The following SCNN1G variants were observed in gnomAD, a reference collection of about 807,000 sequenced individuals.
SCNN1G encodes epithelial sodium channel subunit gamma.
SCNN1G carries 27 observed loss-of-function variants against 64.6 expected under a neutral mutation model. The observed-to-expected ratio is 0.42, with a 90% CI of 0.31 to 0.58. SCNN1G has a LOEUF of 0.58. Among genes scored for constraint, SCNN1G ranks in the 20% least tolerant of loss-of-function variants. SCNN1G has a pLI of 0.18. For missense variants in SCNN1G, 743 were observed against 823.4 expected (o/e 0.90, Z 1.19); for synonymous variants, 330 against 314.2 (o/e 1.05, Z -0.53).
chr16:23,204,348 G>T (rs1184261956), intron 6 of SCNN1G, among the ~76,000 whole-genome samples: 12 of 119,922 alleles, frequency 1.0e-4, no homozygotes, highest in Non-Finnish European at 1.3e-4. Flanking sequence ...GAGAGAGAGA[G>T]AGAGAGAGAG....
chr16:23,209,709 G>A (rs747161475), intron 6 of SCNN1G, 41 bp from the exon 7 acceptor site: 64 of 1,479,060 alleles, frequency 4.3e-5, no homozygotes, highest in South Asian at 1.8e-4. Context: ...GCCTGGGTCC[G>A]GGGGGAGGAC....
chr16:23,185,973 C>G (rs72646485), intron 1 of SCNN1G, among the ~76,000 whole-genome samples: 1 of 152,144 alleles, frequency 6.6e-6, no homozygotes, highest in Non-Finnish European at 1.5e-5. Context: ...TGCACCTCAC[C>G]CAGCCCCCGC....
At chr16:23,214,998 G>T in intron 12 of SCNN1G, 91 bp from the exon 13 acceptor site, 1 of 1,490,614 alleles carries the variant, frequency 6.7e-7, no homozygotes, top group South Asian at 1.1e-5. Flanking sequence ...GGTCGGGGCT[G>T]ACCCGTGGCT....
chr16:23,192,898 G>A (rs971162219), intron 4 of SCNN1G, among the ~76,000 whole-genome samples: 3 of 151,020 alleles, frequency 2.0e-5, no homozygotes, highest in South Asian at 2.1e-4. Context: ...GCGAGACCCC[G>A]TCTCTACTAA....
chr16:23,204,548 T>A (rs971070547), intron 6 of SCNN1G, among the ~76,000 whole-genome samples: 4 of 147,870 alleles, frequency 2.7e-5, no homozygotes, highest in African/African-American at 9.8e-5. Flanking sequence ...ACACTACTAG[T>A]ACATTATATA....
At position 23,186,461 on chromosome 16, in the gene SCNN1G, G is replaced by T; in HGVS notation, c.190G>T (p.Val64Leu). 6.2e-7 allele frequency: 1 copy of T among 1,614,146 alleles called. No individual in the cohort carries two copies. The highest frequency in any genetic ancestry group is 1.3e-5 in the African/African-American group (1 of 75,064). ...CTGGATCGGGTTCACACTGACTGCC[G>T]TGGCCCTCATCCTCTGGCAGTGCGC... Reference protein sequence around the residue: ...LLWIGFTLTAVALILWQCALL... With the variant: ...LLWIGFTLTALALILWQCALL... The change falls in exon 2 of 13, where the codon GTG becomes TTG. Residue 64 changes from valine to leucine, a missense_variant. Coordinates refer to ENST00000300061, the MANE Select transcript of SCNN1G (RefSeq NM_001039.4).
intron 1 of SCNN1G, among the ~76,000 whole-genome samples, chr16:23,184,608 T>C (rs1000410117): frequency 1.3e-5 from 2 of 152,164 alleles, no homozygotes; most frequent in Non-Finnish European, 2.9e-5. Context: ...GTTTGTCTGC[T>C]CTGGACATCT....
At chr16:23,193,087 A>C (rs1037299776) in intron 4 of SCNN1G, among the ~76,000 whole-genome samples, 6 of 151,336 alleles carry the variant, frequency 4.0e-5, no homozygotes, top group African/African-American at 1.5e-4. Context: ...AAAAAAAAAA[A>C]AAAAAAAAAA....
rs766730532 is a variant in SCNN1G, at chr16:23,202,264, GTGGATGGA to G, written c.1077+4879_1077+4886del. On this transcript the variant is annotated intron_variant, in intron 6 of 12. Transcript: ENST00000300061. ...GACAGATGGATGGGTGGGTGGGTGG[GTGGATGGA>G]TGGATGGATGGATGGATGGATGGAT... Among the ~76,000 whole-genome samples the G allele has an allele frequency of 3.6e-3, 356 of 98,708 alleles. 4 individuals carry two copies. Among genetic ancestry groups the G allele is most frequent in the African/African-American group, 8.1e-3 (212 of 26,170 alleles). The allele number at this position is 98,708 out of a possible 152,430, so 64.8% of individuals were successfully genotyped here.
intron 8 of SCNN1G, among the ~76,000 whole-genome samples, chr16:23,212,402 C>T (rs559000667): frequency 1.3e-5 from 2 of 152,242 alleles, no homozygotes; most frequent in African/African-American, 2.4e-5. Flanking sequence ...TAACCAAGGC[C>T]CAGAAAGGCT....
intron 6 of SCNN1G, among the ~76,000 whole-genome samples, chr16:23,200,619 TGA>T (rs1282740562): frequency 6.6e-6 from 1 of 152,226 alleles, no homozygotes; most frequent in Non-Finnish European, 1.5e-5. Context: ...GTCCCTGTCC[TGA>T]GAGAGTCTAG....
At chr16:23,184,507 T>C (rs564152148) in intron 1 of SCNN1G, among the ~76,000 whole-genome samples, 1 of 152,248 alleles carries the variant, frequency 6.6e-6, no homozygotes, top group East Asian at 1.9e-4. Flanking sequence ...AAAAATAAAT[T>C]ATATTCCTCT....
At chr16:23,183,037 G>A (rs1305691347) in intron 1 of SCNN1G, among the ~76,000 whole-genome samples, 1 of 152,200 alleles carries the variant, frequency 6.6e-6, no homozygotes, top group Non-Finnish European at 1.5e-5. Context: ...AGCCAGTCGA[G>A]AGCCACTCAG....
At chr16:23,204,020 G>A (rs1015087487) in intron 6 of SCNN1G, among the ~76,000 whole-genome samples, 1 of 151,520 alleles carries the variant, frequency 6.6e-6, no homozygotes, top group Non-Finnish European at 1.5e-5. Context: ...ACTTACACCT[G>A]TAATTCCAGC....
chr16:23,192,664 T>G lies in SCNN1G; in HGVS notation c.809+122T>G, dbSNP rs868586102. On this transcript the variant is annotated intron_variant, in intron 4 of 12. Transcript: ENST00000300061. ...GAGCAAAAGGTGCTCTTCTCACTGA[T>G]GCTGCCTTTTGGAAACTGCTTACAT... The G allele has an allele frequency of 2.6e-5, 20 of 783,202 alleles. No individual in the cohort carries two copies. In the Middle Eastern group the frequency reaches 1.7e-3, roughly 68 times the overall value. The allele number at this position is 783,202 out of a possible 1,614,324, so 48.5% of individuals were successfully genotyped here.
chr16:23,215,418 G>A lies in SCNN1G; in HGVS notation c.1899G>A (p.Glu633=), dbSNP rs1960145126. ...PPPKYNTLRL[E]RAFSNQLTDT... ...CCAAATACAATACCTTGCGCTTGGAGAGGGCCTTTTCCAACCAGCTCACAG... is the reference window on the plus strand; with the variant it reads ...CCAAATACAATACCTTGCGCTTGGAAAGGGCCTTTTCCAACCAGCTCACAG... The change falls in exon 13 of 13, where the codon GAG becomes GAA. Residue 633 remains glutamate, a synonymous_variant. Coordinates refer to ENST00000300061, the MANE Select transcript of SCNN1G (RefSeq NM_001039.4). 6.2e-7 allele frequency: 1 copy of A among 1,613,778 alleles called. No individual in the cohort carries two copies. The highest frequency in any genetic ancestry group is 8.5e-7 in the Non-Finnish European group (1 of 1,180,034).
In SCNN1G at chr16:23,215,213, A is replaced by G. The variant is rs1960140715; in HGVS notation, c.1694A>G (p.Gln565Arg). 6.2e-7 allele frequency: 1 copy of G among 1,613,946 alleles called. No homozygotes were observed. The highest frequency in any genetic ancestry group is 1.7e-5 in the Admixed American group (1 of 59,982). Residue 565 changes from glutamine (Q) to arginine (R), a missense_variant, in exon 13 of 13, where the codon CAG (glutamine) becomes CGG (arginine). By Grantham distance (43) the Gln-to-Arg change is conservative. Transcript: ENST00000300061. ...IDFFSIIARR[Q>R]WQKAKEWWAW... is the part of the protein sequence containing the mutation. ...TTCTTCTCTATCATTGCCCGCCGCC[A>G]GTGGCAGAAAGCCAAGGAGTGGTGG...
chr16:23,199,663 C>CTTTTTTTTTTTTTTT lies in SCNN1G; in HGVS notation c.1077+2248_1077+2262dup, dbSNP rs67132706. 1.3e-3 allele frequency among the ~76,000 whole-genome samples: 77 copies of CTTTTTTTTTTTTTTT among 59,666 alleles called. 1 individual carries two copies. The highest frequency in any genetic ancestry group is 1.8e-3 in the Admixed American group (7 of 3,868). 39.1% of individuals were successfully genotyped at this position (59,666 alleles called of 152,430 possible). A position where few individuals can be genotyped will look rare whatever the true frequency, so the allele number is the denominator to read the frequency against. On this transcript the variant is annotated intron_variant, in intron 6 of 12. Transcript: ENST00000300061. ...TGATGTTTTTCTTTTCTTTTCTTTT[C>CTTTTTTTTTTTTTTT]TTTTTTTTTTTTTTTTTTTTTTTTT...
intron 6 of SCNN1G, among the ~76,000 whole-genome samples, chr16:23,206,017 T>G (rs1171049211): frequency 1.3e-5 from 2 of 152,116 alleles, no homozygotes; most frequent in Non-Finnish European, 2.9e-5. Flanking sequence ...TACCCAGAAA[T>G]GTACACAATG....
Sources: allele counts gnomAD v4.1 joint callset (sites outside exome capture counted in the v4.1 genomes callset), GRCh38; gene constraint gnomAD v4.1.1; transcripts MANE v1.5; gene names NCBI Gene and HGNC (gene_info 2026-07-23, HGNC 2026-07-21).